Variants in FHIT observed in about 807,000 individuals in gnomAD.
FHIT encodes the protein fragile histidine triad diadenosine triphosphatase.
A neutral mutation model predicts 17.9 loss-of-function variants in FHIT; 19 were observed. That is an observed-to-expected ratio of 1.06 (90% CI 0.74 to 1.56). The LOEUF is 1.56. Ranked by LOEUF, FHIT falls within the 40% of genes most tolerant of loss-of-function variation. The pLI, the probability that FHIT is intolerant of heterozygous loss-of-function variation, is 0.00. For synonymous variants in FHIT, 81 were observed against 69.7 expected (o/e 1.16, Z -0.81); for missense variants, 248 against 189.2 (o/e 1.31, Z -1.82).
chr3:60,063,610 A>G (rs1205283663), intron 5 of FHIT, among the ~76,000 whole-genome samples: 1 of 152,214 alleles, frequency 6.6e-6, no homozygotes, highest in Non-Finnish European at 1.5e-5. Flanking sequence ...AAAGGAATGA[A>G]GAGATTTTCC....
chr3:60,129,987 T>C (rs1699467203), intron 5 of FHIT, among the ~76,000 whole-genome samples: 3 of 152,170 alleles, frequency 2.0e-5, no homozygotes. Flanking sequence ...TCTCTCTTTC[T>C]CTCGCTCACC....
At chr3:61,187,969 A>C (rs1490758893) in intron 2 of FHIT, among the ~76,000 whole-genome samples, 2 of 152,238 alleles carry the variant, frequency 1.3e-5, no homozygotes. Flanking sequence ...AATGCCCATA[A>C]GACAAAGCAG....
chr3:61,202,449 T>C (rs578113736), intron 1 of FHIT, among the ~76,000 whole-genome samples: 1 of 128,346 alleles, frequency 7.8e-6, no homozygotes, highest in Non-Finnish European at 1.7e-5. Context: ...CAGCCTTGTG[T>C]GTGATCTTTT....
At chr3:60,309,514 G>C (rs75937838) in intron 5 of FHIT, among the ~76,000 whole-genome samples, 12,867 of 152,108 alleles carry the variant, frequency 0.085, 621 homozygotes, top group Non-Finnish European at 0.099. Flanking sequence ...GCATAGCAAG[G>C]AAATACTCAA....
At chr3:60,739,175 C>G (rs1304427095) in intron 4 of FHIT, among the ~76,000 whole-genome samples, 2 of 152,308 alleles carry the variant, frequency 1.3e-5, no homozygotes, top group Non-Finnish European at 2.9e-5. Context: ...AATAAAACCC[C>G]TGCATGCATC....
chr3:60,797,943 T>C (rs1212622390), intron 4 of FHIT, among the ~76,000 whole-genome samples: 1 of 152,122 alleles, frequency 6.6e-6, no homozygotes. Flanking sequence ...TTTCAATGTA[T>C]AATTAATTTA....
chr3:60,805,720 T>C (rs548096908), intron 4 of FHIT, among the ~76,000 whole-genome samples: 1 of 152,136 alleles, frequency 6.6e-6, no homozygotes, highest in South Asian at 2.1e-4. Flanking sequence ...CACACCTGGC[T>C]AATTTTGTTT....
intron 5 of FHIT, among the ~76,000 whole-genome samples, chr3:60,284,214 T>C (rs1051249340): frequency 6.6e-6 from 1 of 152,150 alleles, no homozygotes; most frequent in African/African-American, 2.4e-5. Context: ...GAAACACTTA[T>C]TTCTCGAAAA....
chr3:60,857,413 A>G (rs1251637725), intron 3 of FHIT, among the ~76,000 whole-genome samples: 1 of 152,124 alleles, frequency 6.6e-6, no homozygotes, highest in Non-Finnish European at 1.5e-5. Context: ...TTCACTACTT[A>G]TCAGCTGTGT....
At chr3:60,751,418 G>C (rs1283664725) in intron 4 of FHIT, among the ~76,000 whole-genome samples, 2 of 152,084 alleles carry the variant, frequency 1.3e-5, no homozygotes, top group Non-Finnish European at 2.9e-5. Flanking sequence ...CATATATCCA[G>C]TATTTACAGA....
intron 4 of FHIT, among the ~76,000 whole-genome samples, chr3:60,708,852 T>C (rs2041442648): frequency 6.6e-6 from 1 of 152,172 alleles, no homozygotes; most frequent in Non-Finnish European, 1.5e-5. Context: ...GCTGAACTTT[T>C]AATGTGCTAT....
chr3:60,086,369 C>T (rs1397509443), intron 5 of FHIT, among the ~76,000 whole-genome samples: 1 of 152,204 alleles, frequency 6.6e-6, no homozygotes, highest in Non-Finnish European at 1.5e-5. Flanking sequence ...GCATTCCACT[C>T]CTGGATTCCC....
At chr3:60,240,184 T>C (rs573279877) in intron 5 of FHIT, among the ~76,000 whole-genome samples, 2 of 152,288 alleles carry the variant, frequency 1.3e-5, no homozygotes, top group South Asian at 4.1e-4. Context: ...CTGGAAACTA[T>C]AAAATGGGTT....
intron 5 of FHIT, among the ~76,000 whole-genome samples, chr3:60,101,267 T>G (rs942673424): frequency 2.6e-5 from 4 of 152,238 alleles, no homozygotes; most frequent in Admixed American, 1.3e-4. Flanking sequence ...AGGCCCTGCA[T>G]AATGTGATGT....
intron 5 of FHIT, among the ~76,000 whole-genome samples, chr3:60,119,584 A>T (rs1705152581): frequency 6.6e-6 from 1 of 151,974 alleles, no homozygotes; most frequent in South Asian, 2.1e-4. Context: ...GTTTTCTATG[A>T]ATTAATTTTG....
At chr3:60,244,314 A>T (rs1705282178) in intron 5 of FHIT, among the ~76,000 whole-genome samples, 1 of 152,068 alleles carries the variant, frequency 6.6e-6, no homozygotes, top group Admixed American at 6.6e-5. Context: ...GAGGGATGGA[A>T]TTTCCATTAA....
At chr3:61,178,172 C>G (rs376492278) in intron 2 of FHIT, among the ~76,000 whole-genome samples, 1 of 151,998 alleles carries the variant, frequency 6.6e-6, no homozygotes, top group East Asian at 1.9e-4. Context: ...CAATAGTAAC[C>G]GGCAGTTATT....
At chr3:60,956,008 A>C (rs35960525) in intron 3 of FHIT, among the ~76,000 whole-genome samples, 26,106 of 152,166 alleles carry the variant, frequency 0.17, 2,890 homozygotes, top group Middle Eastern at 0.26. Context: ...AGATACAACT[A>C]CTTTTGGAAG....
At chr3:60,636,113 G>C (rs2039577689) in intron 4 of FHIT, among the ~76,000 whole-genome samples, 1 of 151,470 alleles carries the variant, frequency 6.6e-6, no homozygotes, top group Non-Finnish European at 1.5e-5. Context: ...CGCCCAGACT[G>C]GAGTGCAGTG....
Sources: gnomAD v4.1 joint callset for allele counts (sites outside exome capture counted in the v4.1 genomes callset) on GRCh38, gnomAD v4.1.1 for gene constraint, MANE v1.5 for transcripts, NCBI Gene and HGNC (gene_info 2026-07-23, HGNC 2026-07-21) for gene names.